MYO1D: variants seen among roughly 807,000 people sequenced by gnomAD.
MYO1D encodes unconventional myosin-Id.
In MYO1D, 83 loss-of-function variants were observed where a neutral mutation model predicts 122.0. The observed-to-expected ratio is 0.68, with a 90% CI of 0.57 to 0.82. MYO1D has a LOEUF of 0.82. MYO1D is among the 40% of genes least tolerant of loss of function. The pLI is 0.00. For missense variants in MYO1D, 1,157 were observed against 1,269.5 expected, an observed-to-expected ratio of 0.91 and a Z score of 1.35; for synonymous variants, 464 against 446.9, an observed-to-expected ratio of 1.04 and a Z score of -0.48.
intron 21 of MYO1D, chr17:32,505,124 T>A (rs1909459797): frequency 2.6e-5 from 4 of 152,208 alleles, no homozygotes; most frequent in Admixed American, 2.6e-4. Context: ...ATCAGAGAGA[T>A]CTTTTAAGGG....
chr17:32,593,709 G>A (rs1331858175), intron 21 of MYO1D, among the ~76,000 whole-genome samples: 2 of 152,124 alleles, frequency 1.3e-5, no homozygotes, highest in East Asian at 1.9e-4. Flanking sequence ...AAGTTGAGGC[G>A]GGAGGATCAT....
At position 32,605,084 on chromosome 17, in the gene MYO1D, T is replaced by C; in HGVS notation, c.2864+3A>G. The C allele has an allele frequency of 1.3e-6, 2 of 1,573,622 alleles. No homozygotes were observed. The highest frequency in any genetic ancestry group is 1.2e-5 in the South Asian group (1 of 86,380). ...TGTCTTAGTTACAAAAATCAAACTTTACCTCTTGAAATGATTCACCAGCAC... is the reference window on the plus strand; with the variant it reads ...TGTCTTAGTTACAAAAATCAAACTTCACCTCTTGAAATGATTCACCAGCAC... On this transcript the variant is annotated splice_donor_region_variant and intron_variant, in intron 21 of 21. Transcript: ENST00000318217.
chr17:32,494,807 G>C lies in MYO1D; in HGVS notation c.2973C>G (p.Asp991Glu). 6.2e-7 allele frequency: 1 copy of C among 1,613,386 alleles called. No homozygotes were observed. Among genetic ancestry groups the C allele is most frequent in the Non-Finnish European group, 8.5e-7 (1 of 1,179,684 alleles). Residue 991 changes from aspartate (D) to glutamate (E), a missense_variant, in exon 22 of 22, where the codon GAC becomes GAG. By Grantham distance (45) the Asp-to-Glu change is conservative. Transcript: ENST00000318217. ...VETRLNQPQP[D>E]FTKNRSGFIL... The stretch of plus-strand genomic sequence containing the variant: ...TGAAGCCCGAGCGATTCTTGGTGAA[G>C]TCGGGCTGGGGCTGGTTGAGCCGCG...
intron 1 of MYO1D, among the ~76,000 whole-genome samples, chr17:32,781,734 C>CAAAAAAA (rs35583086): frequency 2.8e-5 from 3 of 108,364 alleles, no homozygotes; most frequent in Non-Finnish European, 3.9e-5. Context: ...GGCCACAGGA[C>CAAAAAAA]AAAAAAAAAA....
At chr17:32,651,792 C>T (rs1342191618) in intron 19 of MYO1D, among the ~76,000 whole-genome samples, 3 of 151,844 alleles carry the variant, frequency 2.0e-5, no homozygotes, top group Non-Finnish European at 2.9e-5. Flanking sequence ...TCTCCTGCCC[C>T]AGGCTCCTGA....
chr17:32,719,040 A>G (rs142532051), intron 15 of MYO1D, among the ~76,000 whole-genome samples: 51 of 152,346 alleles, frequency 3.3e-4, no homozygotes, highest in African/African-American at 1.2e-3. Flanking sequence ...TAGTCAAGAG[A>G]ATAATCTTGA....
chr17:32,787,806 C>G (rs954434078), intron 1 of MYO1D, among the ~76,000 whole-genome samples: 9 of 152,172 alleles, frequency 5.9e-5, no homozygotes, highest in African/African-American at 1.9e-4. Context: ...CCTTTGCATC[C>G]TCATAGCTTA....
At chr17:32,618,786 C>T (rs1474488391) in intron 20 of MYO1D, among the ~76,000 whole-genome samples, 1 of 152,046 alleles carries the variant, frequency 6.6e-6, no homozygotes, top group African/African-American at 2.4e-5. Context: ...AGGCGACTGC[C>T]ACCATGCCTG....
At chr17:32,848,242 C>A (rs775632606) in intron 1 of MYO1D, among the ~76,000 whole-genome samples, 6 of 152,308 alleles carry the variant, frequency 3.9e-5, no homozygotes, top group African/African-American at 7.2e-5. Flanking sequence ...TTATTATCTA[C>A]CCCATGTAAA....
At chr17:32,865,762 G>A (rs895247304) in intron 1 of MYO1D, among the ~76,000 whole-genome samples, 1 of 152,192 alleles carries the variant, frequency 6.6e-6, no homozygotes, top group Admixed American at 6.5e-5. Context: ...AGTCCCATGT[G>A]GGCAGCTGTG....
chr17:32,635,773 T>A (rs952267337), intron 20 of MYO1D, among the ~76,000 whole-genome samples: 6 of 152,044 alleles, frequency 3.9e-5, no homozygotes, highest in Non-Finnish European at 7.4e-5. Context: ...AAGGACTAAC[T>A]AAAACAGGAA....
chr17:32,768,044 C>G (rs1252233080), intron 6 of MYO1D, among the ~76,000 whole-genome samples: 2 of 152,212 alleles, frequency 1.3e-5, no homozygotes, highest in Non-Finnish European at 2.9e-5. Flanking sequence ...TCCCCCACTC[C>G]ATGATCAGTG....
intron 1 of MYO1D, among the ~76,000 whole-genome samples, chr17:32,836,461 C>T (rs2090825176): frequency 1.3e-5 from 2 of 152,198 alleles, no homozygotes; most frequent in Non-Finnish European, 2.9e-5. Context: ...TTCTCTTCTG[C>T]TCATTCCCAG....
intron 21 of MYO1D, chr17:32,531,393 G>A (rs1253155503): frequency 2.6e-5 from 4 of 152,306 alleles, no homozygotes; most frequent in African/African-American, 7.2e-5. Context: ...TGGTGATCAC[G>A]TCCTTGGTTC....
At chr17:32,818,371 G>C (rs60617681) in intron 1 of MYO1D, among the ~76,000 whole-genome samples, 2,533 of 152,206 alleles carry the variant, frequency 0.017, 51 homozygotes, top group African/African-American at 0.057. Context: ...GCCTCATTAT[G>C]GAAGGAGGGT....
At chr17:32,673,703 G>A (rs1009067617) in intron 16 of MYO1D, among the ~76,000 whole-genome samples, 1 of 152,178 alleles carries the variant, frequency 6.6e-6, no homozygotes, top group Non-Finnish European at 1.5e-5. Context: ...ACTAGCCTAG[G>A]TGATATAGTG....
intron 1 of MYO1D, among the ~76,000 whole-genome samples, chr17:32,802,987 G>C (rs967718081): frequency 6.6e-6 from 1 of 152,146 alleles, no homozygotes; most frequent in Admixed American, 6.5e-5. Context: ...GTCTATGGAA[G>C]TTAGGCAGGC....
chr17:32,676,459 G>C (rs1324740572), intron 16 of MYO1D, among the ~76,000 whole-genome samples: 1 of 149,984 alleles, frequency 6.7e-6, no homozygotes, highest in Non-Finnish European at 1.5e-5. Context: ...AGATTTCTTA[G>C]CATTTTGCCT....
chr17:32,834,855 T>C (rs569547869), intron 1 of MYO1D, among the ~76,000 whole-genome samples: 1 of 152,152 alleles, frequency 6.6e-6, no homozygotes, highest in Non-Finnish European at 1.5e-5. Context: ...TTACTAAAAA[T>C]ACAAAAATTA....
Sources: gnomAD v4.1 joint callset for allele counts (sites outside exome capture counted in the v4.1 genomes callset) on GRCh38, gnomAD v4.1.1 for gene constraint, MANE v1.5 for transcripts, NCBI Gene and HGNC (gene_info 2026-07-23, HGNC 2026-07-21) for gene names.